Variants in BEND5 observed in about 807,000 individuals in gnomAD.
BEND5 encodes BEN domain containing 5.
BEND5 carries 22 observed loss-of-function variants against 43.9 expected under a neutral mutation model. That is an observed-to-expected ratio of 0.50 (90% CI 0.36 to 0.72). The LOEUF is 0.72. Among genes scored for constraint, BEND5 ranks in the 30% least tolerant of loss-of-function variants. The probability of loss-of-function intolerance (pLI) is 0.00; values close to 1 mark genes in which losing one functional copy is unlikely to be tolerated. For synonymous variants in BEND5, 228 were observed against 225.9 expected, an observed-to-expected ratio of 1.01 and a Z score of -0.08; for missense variants, 428 against 550.6, an observed-to-expected ratio of 0.78 and a Z score of 2.23.
Position 48,742,855 on chromosome 1 carries a change from C to A in BEND5, c.746-84G>T, listed in dbSNP as rs566447623. On this transcript the variant is annotated intron_variant, in intron 3 of 5. Coordinates refer to ENST00000371833, the MANE Select transcript of BEND5 (RefSeq NM_024603.4). ...TTTTAACTAGGCATCTATCAGCACA[C>A]CATGGCACAAAAAATTTGCTAGCTT... 2.5e-4 allele frequency: 335 copies of A among 1,343,698 alleles called. No individual in the cohort carries two copies. In the Middle Eastern group the frequency reaches 5.5e-3, roughly 22 times the overall value. 83.2% of individuals were successfully genotyped at this position (1,343,698 alleles called of 1,614,324 possible).
At chr1:48,770,817 T>C (rs1286285304) in intron 1 of BEND5, among the ~76,000 whole-genome samples, 1 of 152,166 alleles carries the variant, frequency 6.6e-6, no homozygotes, top group Non-Finnish European at 1.5e-5. Flanking sequence ...TCCCATGAAT[T>C]AGTCCCTCCT....
chr1:48,752,678 T>TGCAC, intron 3 of BEND5, among the ~76,000 whole-genome samples: 1 of 152,304 alleles, frequency 6.6e-6, no homozygotes, highest in East Asian at 1.9e-4. Flanking sequence ...AATGATTCTA[T>TGCAC]ATCTTGATGC....
At chr1:48,754,272 T>C (rs1652191155) in intron 3 of BEND5, among the ~76,000 whole-genome samples, 1 of 152,172 alleles carries the variant, frequency 6.6e-6, no homozygotes, top group Non-Finnish European at 1.5e-5. Context: ...ACTGGGTCTC[T>C]ATTGTTCTGC....
intron 4 of BEND5, among the ~76,000 whole-genome samples, chr1:48,741,247 A>T (rs1649867471): frequency 6.6e-6 from 1 of 152,242 alleles, no homozygotes; most frequent in Non-Finnish European, 1.5e-5. Context: ...AAGGTTCACC[A>T]AACTTAGATA....
intron 3 of BEND5, among the ~76,000 whole-genome samples, chr1:48,758,680 G>A (rs752387492): frequency 1.3e-5 from 2 of 152,140 alleles, no homozygotes; most frequent in Non-Finnish European, 2.9e-5. Flanking sequence ...ACCCATGTTC[G>A]CCAATGTTCC....
At position 48,736,367 on chromosome 1, in the gene BEND5, T is replaced by C. The variant is rs765799849; in HGVS notation, c.980A>G (p.Asn327Ser). ...TGTTCCCCAAATCATAACTGCCAAG[T>C]TCTTCGTGTACTTGGAATCTCCTTG... ...VTQGDSKYTK[N>S]LAVMIWGTDV... is the part of the protein sequence containing the mutation. The change falls in exon 5 of 6, where the codon AAC becomes AGC. Residue 327 changes from asparagine (N) to serine (S), a missense_variant. Transcript: ENST00000371833. This position sits in a 1 kb window ranked among gnomAD's most constrained non-coding sequence, Gnocchi z 4.0. The C allele has an allele frequency of 4.3e-6, 7 of 1,614,046 alleles. No individual in the cohort carries two copies. Among genetic ancestry groups the C allele is most frequent in the Non-Finnish European group, 5.9e-6 (7 of 1,180,038 alleles).
At position 48,727,555 on chromosome 1, in the gene BEND5, A is replaced by G; in HGVS notation, c.*331T>C. The G allele has an allele frequency of 5.8e-6, 1 of 172,990 alleles. No homozygotes were observed. The highest frequency in any genetic ancestry group is 1.2e-5 in the Non-Finnish European group (1 of 81,586). 10.7% of individuals were successfully genotyped at this position (172,990 alleles called of 1,614,324 possible). A position where few individuals can be genotyped will look rare whatever the true frequency, so the allele number is the denominator to read the frequency against. On this transcript the variant is annotated 3_prime_UTR_variant, in exon 6 of 6. Coordinates refer to ENST00000371833, the MANE Select transcript of BEND5 (RefSeq NM_024603.4). ...ATTAATGAAAATTTATTATAGAACA[A>G]AATAGAGCAACAAAGAAGTCCTTGG...
chr1:48,754,108 A>G (rs1463899209), intron 3 of BEND5, among the ~76,000 whole-genome samples: 1 of 152,226 alleles, frequency 6.6e-6, no homozygotes, highest in Non-Finnish European at 1.5e-5. Flanking sequence ...ACAATGAATT[A>G]TACTGTCTAA....
intron 3 of BEND5, among the ~76,000 whole-genome samples, chr1:48,749,044 A>C (rs548077231): frequency 6.6e-6 from 1 of 152,186 alleles, no homozygotes; most frequent in African/African-American, 2.4e-5. Context: ...CCCCCTTTCC[A>C]AGGGGGAGAA....
At chr1:48,764,110 C>A (rs1157228037) in intron 1 of BEND5, among the ~76,000 whole-genome samples, 1 of 152,102 alleles carries the variant, frequency 6.6e-6, no homozygotes, top group Admixed American at 6.5e-5. Flanking sequence ...GAAAAGAGAA[C>A]CCAAGATCTC....
At chr1:48,735,310 G>A (rs1648843676) in intron 5 of BEND5, among the ~76,000 whole-genome samples, 1 of 152,096 alleles carries the variant, frequency 6.6e-6, no homozygotes, top group African/African-American at 2.4e-5. Flanking sequence ...TGAACTCCTT[G>A]CAGATGAAGG....
intron 4 of BEND5, among the ~76,000 whole-genome samples, chr1:48,741,639 T>C (rs1304380613): frequency 6.6e-6 from 1 of 152,204 alleles, no homozygotes; most frequent in African/African-American, 2.4e-5. Flanking sequence ...TTGGCTCAGG[T>C]TGGCCAGTTG....
chr1:48,728,000 A>T lies in BEND5; in HGVS notation c.1152T>A (p.Thr384=). The T allele has an allele frequency of 6.2e-7, 1 of 1,612,312 alleles. No homozygotes were observed. Residue 384 remains threonine, a synonymous_variant, in exon 6 of 6, where the codon ACT becomes ACA. Coordinates refer to ENST00000371833, the MANE Select transcript of BEND5 (RefSeq NM_024603.4). ...CTTTGGAGAGTCTCTGTGCAATTTC[A>T]GTTTCATCCACAGTTTCTTGTGCTA... The part of the protein sequence containing the change: ...DRIAQETVDE[T]EIAQRLSKVN...
chr1:48,759,424 T>C (rs747457186), intron 2 of BEND5, 140 bp from the exon 3 acceptor site: 35 of 1,339,122 alleles, frequency 2.6e-5, no homozygotes, highest in Non-Finnish European at 3.3e-5. Context: ...AAACACTTAG[T>C]CAAAGCCCTT....
chr1:48,775,678 A>G (rs1373599929), intron 1 of BEND5, among the ~76,000 whole-genome samples: 1 of 152,198 alleles, frequency 6.6e-6, no homozygotes, highest in African/African-American at 2.4e-5. Context: ...TTACAAAGGA[A>G]AAGGTGTCTC....
chr1:48,741,846 A>C (rs1168832563), intron 4 of BEND5, among the ~76,000 whole-genome samples: 1 of 152,216 alleles, frequency 6.6e-6, no homozygotes, highest in Non-Finnish European at 1.5e-5. Flanking sequence ...GCTAAAGCTG[A>C]ATTTCACCAG....
intron 2 of BEND5, among the ~76,000 whole-genome samples, chr1:48,760,893 G>A (rs530053626): frequency 1.3e-5 from 2 of 152,240 alleles, no homozygotes; most frequent in South Asian, 4.2e-4. Flanking sequence ...CATCTAACCC[G>A]AGGTCTCACA....
chr1:48,743,482 T>C (rs1650254670), intron 3 of BEND5, among the ~76,000 whole-genome samples: 3 of 152,342 alleles, frequency 2.0e-5, no homozygotes, highest in Middle Eastern at 3.4e-3. Flanking sequence ...TGTGTGTTGA[T>C]TACTTAAGGG....
At chr1:48,752,906 T>C (rs1348220310) in intron 3 of BEND5, among the ~76,000 whole-genome samples, 1 of 152,116 alleles carries the variant, frequency 6.6e-6, no homozygotes, top group African/African-American at 2.4e-5. Flanking sequence ...CGCGCCCCCA[T>C]GCCCAGCTAA....
Sources: allele counts gnomAD v4.1 joint callset (sites outside exome capture counted in the v4.1 genomes callset), GRCh38; gene constraint gnomAD v4.1.1; non-coding constraint Gnocchi (gnomAD v3.1); transcripts MANE v1.5; gene names NCBI Gene and HGNC (gene_info 2026-07-23, HGNC 2026-07-21).